TNFAIP2: variants seen among roughly 807,000 people sequenced by gnomAD.
TNFAIP2 encodes tumor necrosis factor alpha-induced protein 2.
A neutral mutation model predicts 63.5 loss-of-function variants in TNFAIP2; 47 were observed. That is an observed-to-expected ratio of 0.74 (90% CI 0.59 to 0.94). TNFAIP2 has a LOEUF of 0.94. TNFAIP2 is among the 40% of genes least tolerant of loss of function. The pLI is 0.00. For synonymous variants in TNFAIP2, 405 were observed against 390.2 expected (o/e 1.04, Z -0.45); for missense variants, 787 against 850.2 (o/e 0.93, Z 0.92).
intron 10 of TNFAIP2, 62 bp from the exon 11 acceptor site, chr14:103,133,620 A>C: frequency 6.4e-7 from 1 of 1,555,426 alleles, no homozygotes; most frequent in Non-Finnish European, 8.7e-7. Context: ...CTCTAAGCCC[A>C]ACGAGTCGCT....
At position 103,126,608 on chromosome 14, in the gene TNFAIP2, A is replaced by G; in HGVS notation, c.151A>G (p.Lys51Glu). 6.4e-7 allele frequency: 1 copy of G among 1,553,564 alleles called. No individual in the cohort carries two copies. Among genetic ancestry groups the G allele is most frequent in the Non-Finnish European group, 8.7e-7 (1 of 1,148,290 alleles). ...ANVFCVFTKG[K>E]KKKGQPSSAE... ...TGTGTTCTGCGTCTTCACCAAAGGGAAGAAGAAGAAGGGTCAGCCCAGCTC... is the reference window on the plus strand; with the variant it reads ...TGTGTTCTGCGTCTTCACCAAAGGGGAGAAGAAGAAGGGTCAGCCCAGCTC... Residue 51 changes from lysine (K) to glutamate (E), a missense_variant, in exon 2 of 12, where the codon AAG becomes GAG. Transcript: ENST00000560869.
chr14:103,136,265 C>A lies in TNFAIP2; in HGVS notation c.*905C>A. The A allele has an allele frequency of 4.7e-6, 1 of 214,822 alleles. No individual in the cohort carries two copies. The highest frequency in any genetic ancestry group is 9.6e-6 in the Non-Finnish European group (1 of 104,610). The allele number at this position is 214,822 out of a possible 1,614,324, so 13.3% of individuals were successfully genotyped here. A position where few individuals can be genotyped will look rare whatever the true frequency, so the allele number is the denominator to read the frequency against. On this transcript the variant is annotated 3_prime_UTR_variant, in exon 12 of 12. Coordinates refer to ENST00000560869, the MANE Select transcript of TNFAIP2 (RefSeq NM_006291.4). ...TTCCTATTGCCGTGACAGGTTTCCACAAACTTCGTGGATCAAAACGAGGTC... is the reference window on the plus strand; with the variant it reads ...TTCCTATTGCCGTGACAGGTTTCCAAAAACTTCGTGGATCAAAACGAGGTC...
chr14:103,131,512 C>A lies in TNFAIP2; in HGVS notation c.1299-127C>A. On this transcript the variant is annotated intron_variant, in intron 7 of 11. Coordinates refer to ENST00000560869, the MANE Select transcript of TNFAIP2 (RefSeq NM_006291.4). The surrounding 1 kb of genome is among the most constrained non-coding windows in gnomAD (Gnocchi z 4.0). Reference sequence around the variant, plus strand: ...GGCATGGAGAACATGGATGGGAGGACTTGATCCCATAGAGAATGGGGAGCC... The same window carrying A: ...GGCATGGAGAACATGGATGGGAGGAATTGATCCCATAGAGAATGGGGAGCC... The A allele has an allele frequency of 7.6e-7, 1 of 1,318,646 alleles. No individual in the cohort carries two copies. 81.7% of individuals were successfully genotyped at this position (1,318,646 alleles called of 1,614,324 possible). A position where few individuals can be genotyped will look rare whatever the true frequency, so the allele number is the denominator to read the frequency against.
At position 103,131,673 on chromosome 14, in the gene TNFAIP2, G is replaced by A; in HGVS notation, c.1333G>A (p.Asp445Asn). The change falls in exon 8 of 12, where the codon GAC becomes AAC. Residue 445 changes from aspartate (D) to asparagine (N), a missense_variant. Asp to Asn is a conservative substitution (Grantham distance 23, BLOSUM62 1). Coordinates refer to ENST00000560869, the MANE Select transcript of TNFAIP2 (RefSeq NM_006291.4). The surrounding 1 kb of genome is among the most constrained non-coding windows in gnomAD (Gnocchi z 4.0). ...GGAGCAGAATTGGCAGGTACCCCAG[G>A]ACACCCTGAGCCTCCTGCTGGGCCC... ...SMEQNWQVPQ[D>N]TLSLLLGPLG... is the part of the protein sequence containing the mutation. The A allele has an allele frequency of 6.2e-7, 1 of 1,604,706 alleles. No individual in the cohort carries two copies.
Position 103,135,889 on chromosome 14 carries a change from TCG to T in TNFAIP2, c.*530_*531del. 7.8e-7 allele frequency: 1 copy of T among 1,290,062 alleles called. No individual in the cohort carries two copies. The highest frequency in any genetic ancestry group is 1.2e-5 in the South Asian group (1 of 81,036). 79.9% of individuals were successfully genotyped at this position (1,290,062 alleles called of 1,614,324 possible). ...AGAGAAAGAAGGAAAAGATGAGCTC[TCG>T]TCTGGCAGGGGCTTTTAGGGTCCTG... On this transcript the variant is annotated 3_prime_UTR_variant, in exon 12 of 12. Transcript: ENST00000560869. The surrounding 1 kb of genome is among the most constrained non-coding windows in gnomAD (Gnocchi z 7.6).
rs1415736383 is a variant in TNFAIP2 at position 103,133,369 on chromosome 14, T to C, written c.1553T>C (p.Met518Thr). 1.2e-6 allele frequency: 2 copies of C among 1,613,478 alleles called. No homozygotes were observed. The highest frequency in any genetic ancestry group is 1.7e-6 in the Non-Finnish European group (2 of 1,179,938). Residue 518 changes from methionine to threonine, a missense_variant, in exon 10 of 12, where the codon ATG becomes ACG. Transcript: ENST00000560869. ...GGCTGCTTGCCCTCCCAGGAGCTCA[T>C]GGAGGCCTTGCACCTGCACCTGGTG... ...ELQGCFREELMEALHLHLVKE... is the reference protein window; with the variant it reads ...ELQGCFREELTEALHLHLVKE...
Position 103,133,487 on chromosome 14 carries a change from T to C in TNFAIP2, c.1671T>C (p.Ala557=). ...TGGCTGGGTACATCCTGGCCAATGC[T>C]GACACCATCCAGCACTTCTGCACCC... The part of the protein sequence containing the change: ...QQLAGYILAN[A]DTIQHFCTQH... Residue 557 remains alanine (A), a synonymous_variant, in exon 10 of 12, where the codon GCT becomes GCC. Coordinates refer to ENST00000560869, the MANE Select transcript of TNFAIP2 (RefSeq NM_006291.4). 6.2e-7 allele frequency: 1 copy of C among 1,613,944 alleles called. No individual in the cohort carries two copies. Among genetic ancestry groups the C allele is most frequent in the South Asian group, 1.1e-5 (1 of 91,088 alleles).
Position 103,133,348 on chromosome 14 carries a change from G to A in TNFAIP2, c.1546-14G>A. 6.2e-7 allele frequency: 1 copy of A among 1,611,722 alleles called. No individual in the cohort carries two copies. The highest frequency in any genetic ancestry group is 8.5e-7 in the Non-Finnish European group (1 of 1,179,168). On this transcript the variant is annotated splice_polypyrimidine_tract_variant and intron_variant, in intron 9 of 11. Coordinates refer to ENST00000560869, the MANE Select transcript of TNFAIP2 (RefSeq NM_006291.4). ...GCAGACAGCTCACACGCCCCTGGCT[G>A]CTTGCCCTCCCAGGAGCTCATGGAG...
At position 103,131,909 on chromosome 14, in the gene TNFAIP2, G is replaced by A. The variant is rs1239360863; in HGVS notation, c.1422+147G>A. 6 of 1,202,856 alleles carry A rather than the reference G, an allele frequency of 5.0e-6. No homozygotes were observed. The highest frequency in any genetic ancestry group is 6.8e-6 in the Non-Finnish European group (6 of 886,300). The allele number at this position is 1,202,856 out of a possible 1,614,324, so 74.5% of individuals were successfully genotyped here. A position where few individuals can be genotyped will look rare whatever the true frequency, so the allele number is the denominator to read the frequency against. The stretch of plus-strand genomic sequence containing the variant: ...TGGACGGCACCGTGGGCCAGCTCTG[G>A]TGCAGCGGTGATGCCCGGTTGGGGA... On this transcript the variant is annotated intron_variant, in intron 8 of 11. Coordinates refer to ENST00000560869, the MANE Select transcript of TNFAIP2 (RefSeq NM_006291.4). This position sits in a 1 kb window ranked among gnomAD's most constrained non-coding sequence, Gnocchi z 4.0.
chr14:103,128,278 G>A lies in TNFAIP2; in HGVS notation c.860+649G>A, dbSNP rs529842768. On this transcript the variant is annotated intron_variant, in intron 3 of 11. Transcript: ENST00000560869. The stretch of plus-strand genomic sequence containing the variant: ...GTTCCAAGTGATGGGCTAGGGCCAC[G>A]TGTCTTGTTAGACCCCCATTGTGTA... Among the ~76,000 whole-genome samples the A allele has an allele frequency of 5.3e-5, 8 of 152,314 alleles. No homozygotes were observed. In the South Asian group the frequency reaches 1.0e-3, roughly 20 times the overall value.
chr14:103,127,137 G>A lies in TNFAIP2; in HGVS notation c.368G>A (p.Ser123Asn). The change falls in exon 3 of 12, where the codon AGC (serine) becomes AAC (asparagine). Residue 123 changes from serine to asparagine, a missense_variant. By Grantham distance (46) the Ser-to-Asn change is conservative (BLOSUM62 1). This residue lies in a region of TNFAIP2 where 258 missense variants were observed against 228.9 expected (regional missense o/e 1.13). Coordinates refer to ENST00000560869, the MANE Select transcript of TNFAIP2 (RefSeq NM_006291.4). The surrounding 1 kb of genome is among the most constrained non-coding windows in gnomAD (Gnocchi z 5.1). ...GAGGAGGAGCTGGTGCGGCGCCAGA[G>A]CAAGGTGGAGGCGCTGTACGAGCTG... is the stretch of plus-strand genomic sequence containing the variant. Reference protein sequence around the residue: ...VSEEELVRRQSKVEALYELLR... With the variant: ...VSEEELVRRQNKVEALYELLR... 1 of 1,103,444 alleles carries A rather than the reference G, an allele frequency of 9.1e-7. No homozygotes were observed. The highest frequency in any genetic ancestry group is 1.7e-5 in the African/African-American group (1 of 58,642). 68.4% of individuals were successfully genotyped at this position (1,103,444 alleles called of 1,614,324 possible). A position where few individuals can be genotyped will look rare whatever the true frequency, so the allele number is the denominator to read the frequency against.
chr14:103,132,138 T>A (rs897096987), intron 8 of TNFAIP2, among the ~76,000 whole-genome samples: 1 of 152,118 alleles, frequency 6.6e-6, no homozygotes, highest in African/African-American at 2.4e-5. Flanking sequence ...ACACCTTTCC[T>A]TCAATCCCCT....
intron 3 of TNFAIP2, among the ~76,000 whole-genome samples, chr14:103,128,305 G>A (rs934895032): frequency 6.6e-6 from 1 of 152,194 alleles, no homozygotes; most frequent in Admixed American, 6.5e-5. Context: ...CATTGTGTAG[G>A]GTTACCCTGT....
intron 1 of TNFAIP2, 28 bp from the exon 2 acceptor site, chr14:103,126,279 GACC>G: frequency 1.7e-6 from 1 of 571,742 alleles, no homozygotes; most frequent in Non-Finnish European, 3.1e-6. Context: ...GGTCCATGGT[GACC>G]ACTGATGCCT....
rs2087986289 is a variant in TNFAIP2, at chr14:103,132,000, CTGGGAGGGG to C, written c.1422+239_1422+247del. Among the ~76,000 whole-genome samples the C allele has an allele frequency of 1.7e-4, 1 of 5,810 alleles. No homozygotes were observed. The highest frequency in any genetic ancestry group is 1.6e-3 in the East Asian group (1 of 640). The allele number at this position is 5,810 out of a possible 152,430, so 3.8% of individuals were successfully genotyped here. A position where few individuals can be genotyped will look rare whatever the true frequency, so the allele number is the denominator to read the frequency against. ...TTCACCTGAGAGGGGCCGCCTGGGG[CTGGGAGGGG>C]CCGCCTGGGGCTGGGAGGGGCCGCC... On this transcript the variant is annotated intron_variant, in intron 8 of 11. Transcript: ENST00000560869. The surrounding 1 kb of genome is among the most constrained non-coding windows in gnomAD (Gnocchi z 4.0).
chr14:103,130,632 C>T (rs1002759834), intron 6 of TNFAIP2, among the ~76,000 whole-genome samples: 1 of 152,176 alleles, frequency 6.6e-6, no homozygotes, highest in Non-Finnish European at 1.5e-5. Context: ...TTGCGCCCAC[C>T]CCATCAGCAA....
upstream of TNFAIP2, among the ~76,000 whole-genome samples, chr14:103,121,876 G>A (rs551481949): frequency 3.3e-5 from 5 of 152,148 alleles, no homozygotes; most frequent in South Asian, 1.0e-3. Flanking sequence ...CTTGGGAATG[G>A]GAGGGGGGGT....
chr14:103,126,855 C>T (rs1012326418), intron 2 of TNFAIP2, 150 bp from the exon 3 acceptor site: 4 of 1,355,774 alleles, frequency 3.0e-6, no homozygotes, highest in Non-Finnish European at 3.9e-6. Flanking sequence ...GGGAGGCCTT[C>T]AGCCTAGTCA....
Position 103,136,682 on chromosome 14 carries a change from T to G in TNFAIP2, c.*1322T>G, listed in dbSNP as rs529093947. 1 of 152,092 alleles carries G rather than the reference T, an allele frequency of 6.6e-6. No individual in the cohort carries two copies. The highest frequency in any genetic ancestry group is 6.5e-5 in the Admixed American group (1 of 15,270). 9.4% of individuals were successfully genotyped at this position (152,092 alleles called of 1,614,324 possible). On this transcript the variant is annotated 3_prime_UTR_variant, in exon 12 of 12. Coordinates refer to ENST00000560869, the MANE Select transcript of TNFAIP2 (RefSeq NM_006291.4). ...CAATCCCCCACGCCCAGCTACATAT[T>G]TTTTGTGGATACAGGGTCTCATTCT...
Sources: allele counts gnomAD v4.1 joint callset (sites outside exome capture counted in the v4.1 genomes callset), GRCh38; gene constraint gnomAD v4.1.1; regional missense constraint gnomAD v4.1.1; non-coding constraint Gnocchi (gnomAD v3.1); transcripts MANE v1.5; gene names NCBI Gene and HGNC (gene_info 2026-07-23, HGNC 2026-07-21).